Variants in RC3H2 observed in about 807,000 individuals in gnomAD.
RC3H2 encodes the protein ring finger and CCCH-type domains 2.
Under a neutral mutation model 133.3 loss-of-function variants are expected in RC3H2, and 31 were observed. The observed-to-expected ratio is 0.23, with a 90% CI of 0.17 to 0.31. The LOEUF (loss-of-function observed/expected upper bound fraction) is 0.31, where lower values mean the gene tolerates loss of function less well. Among genes scored for constraint, RC3H2 ranks in the 10% least tolerant of loss-of-function variants. The probability of loss-of-function intolerance (pLI) is 1.00; values close to 1 mark genes in which losing one functional copy is unlikely to be tolerated. For synonymous variants in RC3H2, 517 were observed against 502.2 expected, an observed-to-expected ratio of 1.03 and a Z score of -0.40; for missense variants, 1,175 against 1,437.2, an observed-to-expected ratio of 0.82 and a Z score of 2.95.
Position 122,858,601 on chromosome 9 carries a change from A to G in RC3H2, c.2283+68T>C, listed in dbSNP as rs1830337384. The G allele has an allele frequency of 2.3e-6, 3 of 1,315,142 alleles. No individual in the cohort carries two copies. The Admixed American group carries it at 5.5e-5, about 24-fold the overall frequency. 81.5% of individuals were successfully genotyped at this position (1,315,142 alleles called of 1,614,324 possible). On this transcript the variant is annotated intron_variant, in intron 12 of 20. Transcript: ENST00000357244. Reference sequence around the variant, plus strand: ...TTAGTAAGTGGAGGAGCCAGGATATATACCTGGGTGGTTTGACTCCAGACA... The same window carrying G: ...TTAGTAAGTGGAGGAGCCAGGATATGTACCTGGGTGGTTTGACTCCAGACA...
In RC3H2 at chr9:122,845,541, T is replaced by A. The variant is rs1468112262; in HGVS notation, c.*4086A>T. ...TTTGGGAATATTTTAAAAATTTTATTAAAAAAAAGAAAAAACTGCCAATTT... is the reference window on the plus strand; with the variant it reads ...TTTGGGAATATTTTAAAAATTTTATAAAAAAAAAGAAAAAACTGCCAATTT... On this transcript the variant is annotated 3_prime_UTR_variant, in exon 21 of 21. Transcript: ENST00000357244. 2 of 151,804 alleles carry A rather than the reference T, an allele frequency of 1.3e-5. No homozygotes were observed. The highest frequency in any genetic ancestry group is 4.8e-5 in the African/African-American group (2 of 41,308). 9.4% of individuals were successfully genotyped at this position (151,804 alleles called of 1,614,324 possible). A position where few individuals can be genotyped will look rare whatever the true frequency, so the allele number is the denominator to read the frequency against.
At chr9:122,877,989 T>C (rs1050789352) in intron 8 of RC3H2, among the ~76,000 whole-genome samples, 3 of 152,090 alleles carry the variant, frequency 2.0e-5, no homozygotes, top group Non-Finnish European at 2.9e-5. Context: ...TAGAATACAA[T>C]TCCACCTAGA....
chr9:122,884,721 C>T (rs1786631661), intron 4 of RC3H2, among the ~76,000 whole-genome samples: 1 of 151,832 alleles, frequency 6.6e-6, no homozygotes, highest in African/African-American at 2.4e-5. Flanking sequence ...GGCATGGTGG[C>T]GTGCATCTGT....
In RC3H2 at chr9:122,849,490, G is replaced by A. The variant is rs1829939126; in HGVS notation, c.*137C>T. The A allele has an allele frequency of 3.9e-6, 1 of 258,690 alleles. No individual in the cohort carries two copies. Among genetic ancestry groups the A allele is most frequent in the East Asian group, 8.5e-5 (1 of 11,766 alleles). The allele number at this position is 258,690 out of a possible 1,614,324, so 16.0% of individuals were successfully genotyped here. A position where few individuals can be genotyped will look rare whatever the true frequency, so the allele number is the denominator to read the frequency against. ...GCAAGAGGGCTTGAAGTATCAAAGA[G>A]TCCACAGGAAATGGATGCCCCCAGT... On this transcript the variant is annotated 3_prime_UTR_variant, in exon 21 of 21. Transcript: ENST00000357244.
intron 5 of RC3H2, among the ~76,000 whole-genome samples, chr9:122,882,290 A>T (rs1344542885): frequency 6.6e-6 from 1 of 152,224 alleles, no homozygotes; most frequent in Non-Finnish European, 1.5e-5. Context: ...ACTAAACACT[A>T]TGACTATGAG....
At chr9:122,852,403 G>A (rs1784784746) in intron 18 of RC3H2, among the ~76,000 whole-genome samples, 1 of 146,182 alleles carries the variant, frequency 6.8e-6, no homozygotes, top group Non-Finnish European at 1.5e-5. Flanking sequence ...CCGGGAGGGA[G>A]GTGGGGGGGT....
chr9:122,899,009 ACATT>A (rs1341670903), intron 1 of RC3H2, among the ~76,000 whole-genome samples: 2 of 151,826 alleles, frequency 1.3e-5, no homozygotes, highest in African/African-American at 2.4e-5. Context: ...AAATGTAGTC[ACATT>A]CAAAGAGAAA....
chr9:122,860,571 A>G (rs1282889828), intron 10 of RC3H2, among the ~76,000 whole-genome samples: 1 of 151,388 alleles, frequency 6.6e-6, no homozygotes, highest in Non-Finnish European at 1.5e-5. Flanking sequence ...ATGCCACCAC[A>G]CTCGGCTAAT....
At chr9:122,880,480 G>A in intron 6 of RC3H2, 114 bp downstream of exon 6, 1 of 845,750 alleles carries the variant, frequency 1.2e-6, no homozygotes, top group Non-Finnish European at 1.8e-6. Flanking sequence ...ATAAGAGTCT[G>A]ACATTTAAAA....
chr9:122,851,249 A>G lies in RC3H2; in HGVS notation c.3232-20T>C. ...GATCTCCTAAGAAAATAAAATGTTA[A>G]TCCTTCAGTATGAAAGTATTTTATA... On this transcript the variant is annotated intron_variant, in intron 19 of 20. Transcript: ENST00000357244. The G allele has an allele frequency of 6.2e-7, 1 of 1,613,128 alleles. No individual in the cohort carries two copies. Among genetic ancestry groups the G allele is most frequent in the Non-Finnish European group, 8.5e-7 (1 of 1,179,120 alleles).
intron 10 of RC3H2, among the ~76,000 whole-genome samples, chr9:122,862,241 G>A (rs10985798): frequency 6.6e-6 from 1 of 152,062 alleles, no homozygotes; most frequent in African/African-American, 2.4e-5. Context: ...TCCATGATAA[G>A]GTCAACATTT....
chr9:122,872,502 C>T (rs1418571118), intron 9 of RC3H2, among the ~76,000 whole-genome samples: 2 of 152,174 alleles, frequency 1.3e-5, no homozygotes, highest in Non-Finnish European at 2.9e-5. Flanking sequence ...AATCCAAATT[C>T]TTTGCTATGG....
intron 15 of RC3H2, 60 bp from the exon 16 acceptor site, chr9:122,854,675 AAT>A: frequency 9.5e-7 from 1 of 1,050,462 alleles, no homozygotes; most frequent in South Asian, 1.3e-5. Flanking sequence ...TACTGAGGTG[AAT>A]GTATACTTCT....
chr9:122,875,405 T>C (rs1831290926), intron 9 of RC3H2: 3 of 1,499,130 alleles, frequency 2.0e-6, no homozygotes, highest in African/African-American at 1.4e-5. Flanking sequence ...AAACAGATCA[T>C]GGGCCATAGT....
At chr9:122,874,542 G>C (rs200605645) in intron 9 of RC3H2, 1 of 96,342 alleles carries the variant, frequency 1.0e-5, no homozygotes, top group South Asian at 2.7e-4. Context: ...TTTTGAGACA[G>C]AGTCTTGCTC....
chr9:122,853,914 T>C (rs780537928), intron 18 of RC3H2, 38 bp downstream of exon 18: 3 of 1,614,028 alleles, frequency 1.9e-6, no homozygotes, highest in African/African-American at 2.7e-5. Context: ...AGAAAACAAA[T>C]ACATTAAGCA....
chr9:122,904,608 G>A (rs1036864300), intron 1 of RC3H2, among the ~76,000 whole-genome samples: 1 of 152,288 alleles, frequency 6.6e-6, no homozygotes, highest in Middle Eastern at 3.4e-3. Flanking sequence ...ACTCAGGTCC[G>A]GCCGTCCCCA....
At chr9:122,895,905 TTAAATATGTTATTTCAAATC>T (rs1164266319) in intron 2 of RC3H2, among the ~76,000 whole-genome samples, 1 of 152,162 alleles carries the variant, frequency 6.6e-6, no homozygotes, top group Non-Finnish European at 1.5e-5. Flanking sequence ...TAGACCCTCA[TTAAATATGTTATTTCAAATC>T]TAGAGTCTTG....
chr9:122,847,400 T>G lies in RC3H2; in HGVS notation c.*2227A>C, dbSNP rs956992689. On this transcript the variant is annotated 3_prime_UTR_variant, in exon 21 of 21. Coordinates refer to ENST00000357244, the MANE Select transcript of RC3H2 (RefSeq NM_001100588.3). ...GGAGCTCTCAAACTGTTAATAGGTC[T>G]CTATTTTGTAACAAAATAGCAATTT... 2.0e-5 allele frequency: 3 copies of G among 152,126 alleles called. No individual in the cohort carries two copies. Among genetic ancestry groups the G allele is most frequent in the African/African-American group, 7.2e-5 (3 of 41,442 alleles). 9.4% of individuals were successfully genotyped at this position (152,126 alleles called of 1,614,324 possible).
Sources: gnomAD v4.1 joint callset for allele counts (sites outside exome capture counted in the v4.1 genomes callset) on GRCh38, gnomAD v4.1.1 for gene constraint, MANE v1.5 for transcripts, NCBI Gene and HGNC (gene_info 2026-07-23, HGNC 2026-07-21) for gene names.